BMP5: variants seen among roughly 807,000 people sequenced by gnomAD.
The protein encoded by BMP5 is bone morphogenetic protein 5.
Under a neutral mutation model 46.6 loss-of-function variants are expected in BMP5, and 23 were observed. That is an observed-to-expected ratio of 0.49 (90% confidence interval 0.35 to 0.70). The LOEUF (loss-of-function observed/expected upper bound fraction) is 0.70. BMP5 is among the 30% of genes least tolerant of loss of function. The pLI, the probability that BMP5 is intolerant of heterozygous loss-of-function variation, is 0.00. For missense variants in BMP5, 545 were observed against 565.6 expected (o/e 0.96, Z 0.37); for synonymous variants, 204 against 191.9 (o/e 1.06, Z -0.52).
intron 1 of BMP5, among the ~76,000 whole-genome samples, chr6:55,863,564 ATTG>A (rs1442934746): frequency 6.6e-6 from 1 of 152,170 alleles, no homozygotes; most frequent in Non-Finnish European, 1.5e-5. Flanking sequence ...AACTACATTT[ATTG>A]TTGTTATTAT....
intron 1 of BMP5, among the ~76,000 whole-genome samples, chr6:55,847,839 C>T (rs1777136532): frequency 6.6e-6 from 1 of 151,794 alleles, no homozygotes; most frequent in Admixed American, 6.6e-5. Context: ...AAAAATTGCA[C>T]TCTAAAATTT....
At chr6:55,814,372 A>G (rs1339542046) in intron 2 of BMP5, among the ~76,000 whole-genome samples, 2 of 152,198 alleles carry the variant, frequency 1.3e-5, no homozygotes, top group Non-Finnish European at 2.9e-5. Flanking sequence ...GAATGTATTT[A>G]TTATCAACTA....
intron 5 of BMP5, among the ~76,000 whole-genome samples, 184 bp from the exon 6 acceptor site, chr6:55,759,299 A>T (rs1774708584): frequency 6.6e-6 from 1 of 151,492 alleles, no homozygotes; most frequent in African/African-American, 2.4e-5. Flanking sequence ...TAATGGAATT[A>T]TCTTCCCCAC....
intron 1 of BMP5, among the ~76,000 whole-genome samples, chr6:55,858,625 A>G (rs1777455657): frequency 6.6e-6 from 1 of 152,238 alleles, no homozygotes; most frequent in African/African-American, 2.4e-5. Flanking sequence ...ACTCATACAA[A>G]CAGAAATTGA....
chr6:55,835,623 C>G (rs1350943416), intron 1 of BMP5, among the ~76,000 whole-genome samples: 1 of 152,164 alleles, frequency 6.6e-6, no homozygotes, highest in South Asian at 2.1e-4. Flanking sequence ...CTATGTCGTT[C>G]TTTTCTCAGG....
At chr6:55,856,191 T>G (rs1298069735) in intron 1 of BMP5, among the ~76,000 whole-genome samples, 1 of 152,196 alleles carries the variant, frequency 6.6e-6, no homozygotes, top group East Asian at 1.9e-4. Flanking sequence ...GTATTTTAGG[T>G]TTATGTTTTA....
intron 3 of BMP5, among the ~76,000 whole-genome samples, chr6:55,787,793 C>T (rs761332090): frequency 3.8e-4 from 58 of 151,618 alleles, no homozygotes; most frequent in Non-Finnish European, 7.4e-4. Flanking sequence ...TTGAAGTTTG[C>T]AGAATAATAT....
chr6:55,823,308 A>G (rs1447135), intron 1 of BMP5, among the ~76,000 whole-genome samples: 152,144 of 152,188 alleles, frequency 1, 76,050 homozygotes, highest in Middle Eastern at 1. Flanking sequence ...CAAAAAGTAT[A>G]TAGCATCTAA....
intron 1 of BMP5, among the ~76,000 whole-genome samples, chr6:55,863,845 A>G (rs1170461317): frequency 6.6e-6 from 1 of 152,212 alleles, no homozygotes; most frequent in Non-Finnish European, 1.5e-5. Context: ...GTGCAGTAAC[A>G]TGCTATAGAG....
intron 2 of BMP5, among the ~76,000 whole-genome samples, chr6:55,806,733 G>A (rs1291881411): frequency 6.6e-6 from 1 of 151,958 alleles, no homozygotes; most frequent in Non-Finnish European, 1.5e-5. Context: ...TTTGTGTTCT[G>A]TCTTATTTCC....
At chr6:55,845,139 C>A (rs1259681745) in intron 1 of BMP5, among the ~76,000 whole-genome samples, 1 of 152,046 alleles carries the variant, frequency 6.6e-6, no homozygotes, top group Non-Finnish European at 1.5e-5. Flanking sequence ...AATATCTTTA[C>A]ATGGCACATG....
chr6:55,816,359 T>C (rs1776269670), intron 2 of BMP5, among the ~76,000 whole-genome samples: 1 of 152,054 alleles, frequency 6.6e-6, no homozygotes, highest in Admixed American at 6.6e-5. Flanking sequence ...AAGATAACTA[T>C]GAATAAAACA....
chr6:55,815,751 A>ATGAAGTCAT (rs2127537065), intron 2 of BMP5, among the ~76,000 whole-genome samples: 1 of 152,306 alleles, frequency 6.6e-6, no homozygotes, highest in East Asian at 1.9e-4. Context: ...CACGTGAACT[A>ATGAAGTCAT]AGCATCAATA....
At chr6:55,813,394 A>G (rs60070969) in intron 2 of BMP5, among the ~76,000 whole-genome samples, 1 of 151,896 alleles carries the variant, frequency 6.6e-6, no homozygotes, top group Non-Finnish European at 1.5e-5. Context: ...TTATATATAA[A>G]TTTATTTAAA....
At chr6:55,808,444 C>T (rs563042159) in intron 2 of BMP5, among the ~76,000 whole-genome samples, 6 of 152,154 alleles carry the variant, frequency 3.9e-5, no homozygotes, top group Non-Finnish European at 8.8e-5. Flanking sequence ...CTCTCACCCT[C>T]CCCCAAGGAC....
intron 3 of BMP5, among the ~76,000 whole-genome samples, chr6:55,792,989 A>G (rs1414918972): frequency 2.6e-5 from 4 of 152,310 alleles, no homozygotes; most frequent in African/African-American, 9.6e-5. Flanking sequence ...GAATAACAGC[A>G]CAATGTAGAT....
At chr6:55,772,857 C>A in intron 4 of BMP5, 1 of 985,032 alleles carries the variant, frequency 1.0e-6, no homozygotes, top group Non-Finnish European at 1.2e-6. Context: ...TCTCCTGGTG[C>A]CTACCCTTTA....
Position 55,756,387 on chromosome 6 carries a change from C to T in BMP5, c.1216-705G>A, listed in dbSNP as rs79051730. On this transcript the variant is annotated intron_variant, in intron 6 of 6. Transcript: ENST00000370830. ...GCCTAGAGACTTTACAAATGAACATCCACCTCCCCAAAAGCCTAAAAAGGT... is the reference window on the plus strand; with the variant it reads ...GCCTAGAGACTTTACAAATGAACATTCACCTCCCCAAAAGCCTAAAAAGGT... Among the ~76,000 whole-genome samples, 1,402 of 151,882 alleles carry T rather than the reference C, an allele frequency of 9.2e-3. 24 individuals carry two copies. Among genetic ancestry groups the T allele is most frequent in the African/African-American group, 0.033 (1,348 of 41,430 alleles).
chr6:55,774,576 TA>T (rs1264449229), intron 3 of BMP5, among the ~76,000 whole-genome samples: 3 of 151,936 alleles, frequency 2.0e-5, no homozygotes, highest in African/African-American at 7.2e-5. Context: ...AATAACAATT[TA>T]AAAAAATATT....
Sources: gnomAD v4.1 joint callset for allele counts (sites outside exome capture counted in the v4.1 genomes callset) on GRCh38, gnomAD v4.1.1 for gene constraint, MANE v1.5 for transcripts, NCBI Gene and HGNC (gene_info 2026-07-23, HGNC 2026-07-21) for gene names.